The following ARFGEF1 variants were observed in gnomAD, a reference collection of about 807,000 sequenced individuals.
ARFGEF1 encodes the protein ARF guanine nucleotide exchange factor 1, also known as brefeldin A-inhibited guanine nucleotide-exchange protein 1.
Under a neutral mutation model 231.0 loss-of-function variants are expected in ARFGEF1, and 42 were observed. The observed-to-expected ratio is 0.18, with a 90% CI of 0.14 to 0.24. The LOEUF (loss-of-function observed/expected upper bound fraction) is 0.24, where lower values mean the gene tolerates loss of function less well. ARFGEF1 is among the 10% of genes least tolerant of loss of function. ARFGEF1 has a pLI of 1.00. For missense variants in ARFGEF1, 1,345 were observed against 2,192.0 expected, an observed-to-expected ratio of 0.61 and a Z score of 7.72; for synonymous variants, 710 against 732.3, an observed-to-expected ratio of 0.97 and a Z score of 0.49.
At chr8:67,335,940 G>C (rs910456590) in intron 1 of ARFGEF1, among the ~76,000 whole-genome samples, 3 of 151,936 alleles carry the variant, frequency 2.0e-5, no homozygotes, top group Non-Finnish European at 2.9e-5. Context: ...TAGTAGAGAC[G>C]GAGTTTCACT....
rs555045641 is a variant in ARFGEF1, at chr8:67,336,735, A to C, written c.124+6429T>G. ...GCTCTAAGTTGAGGATCTCAACTTC[A>C]CCTTGAGATCTTTCACTACATCCAC... On this transcript the variant is annotated intron_variant, in intron 1 of 38. Coordinates refer to ENST00000262215, the MANE Select transcript of ARFGEF1 (RefSeq NM_006421.5). 2.6e-5 allele frequency among the ~76,000 whole-genome samples: 4 copies of C among 152,344 alleles called. No individual in the cohort carries two copies. The South Asian group carries it at 8.3e-4, about 32-fold the overall frequency.
At chr8:67,328,292 C>T (rs1416185204) in intron 1 of ARFGEF1, among the ~76,000 whole-genome samples, 1 of 152,044 alleles carries the variant, frequency 6.6e-6, no homozygotes, top group African/African-American at 2.4e-5. Flanking sequence ...AACTATTCTT[C>T]TGGAAGCTTA....
chr8:67,269,476 C>T (rs930624123), intron 10 of ARFGEF1, among the ~76,000 whole-genome samples: 3 of 151,598 alleles, frequency 2.0e-5, no homozygotes, highest in Admixed American at 1.3e-4. Context: ...CCTCTGCTCC[C>T]AAGTAGCTGG....
chr8:67,189,597 A>G (rs1052448184), intron 5 of ARFGEF1, among the ~76,000 whole-genome samples: 4 of 152,166 alleles, frequency 2.6e-5, no homozygotes, highest in East Asian at 1.9e-4. Flanking sequence ...TTAAACAATG[A>G]TAGTGTTGTA....
chr8:67,174,482 G>T (rs553057721), downstream of ARFGEF1: 2 of 152,138 alleles, frequency 1.3e-5, no homozygotes, highest in Non-Finnish European at 2.9e-5. Context: ...TTTATTCTTG[G>T]CCAGGCACAG....
At chr8:67,296,369 C>A in intron 5 of ARFGEF1, 62 bp downstream of exon 5, 1 of 1,453,518 alleles carries the variant, frequency 6.9e-7, no homozygotes, top group South Asian at 1.4e-5. Context: ...TTACTGTAAA[C>A]TCCTTTCTAT....
At chr8:67,193,384 A>G (rs1836959378), downstream of ARFGEF1, 1 of 1,306,116 alleles carries the variant, frequency 7.7e-7, no homozygotes, top group Admixed American at 1.8e-5. Context: ...GGTGATAGGC[A>G]CCATGCCTGG....
At chr8:67,189,765 C>T (rs534642817) in intron 5 of ARFGEF1, among the ~76,000 whole-genome samples, 1 of 152,266 alleles carries the variant, frequency 6.6e-6, no homozygotes, top group South Asian at 2.1e-4. Context: ...ACATCATCCC[C>T]CCAAATATAT....
chr8:67,301,490 T>C, intron 2 of ARFGEF1, 110 bp from the exon 3 acceptor site: 2 of 1,134,794 alleles, frequency 1.8e-6, no homozygotes, highest in South Asian at 3.6e-5. Context: ...GCTAAACCAG[T>C]CCTCTATCTT....
intron 5 of ARFGEF1, chr8:67,180,005 C>A: frequency 2.7e-6 from 2 of 742,836 alleles, no homozygotes; most frequent in South Asian, 1.8e-5. Flanking sequence ...GTACTGTATT[C>A]CTTGTTGTAC....
chr8:67,246,975 C>T (rs937895455), intron 19 of ARFGEF1, among the ~76,000 whole-genome samples: 5 of 149,810 alleles, frequency 3.3e-5, no homozygotes, highest in Non-Finnish European at 1.5e-5. Context: ...AACTACATGC[C>T]GGTAAACTGG....
Position 67,190,712 on chromosome 8 carries a change from C to A in ARFGEF1, c.560+9684G>T, listed in dbSNP as rs1835980887. 1 of 1,614,114 alleles carries A rather than the reference C, an allele frequency of 6.2e-7. No homozygotes were observed. Among genetic ancestry groups the A allele is most frequent in the Non-Finnish European group, 8.5e-7 (1 of 1,179,992 alleles). ...CGTCCTCCCTCCACCATCACAGTTG[C>A]CCTCTGCACGGGAGCGCAGGAGGAA... On this transcript the variant is annotated intron_variant, in intron 5 of 5. Coordinates refer to the ARFGEF1 transcript ENST00000518789.
intron 1 of ARFGEF1, among the ~76,000 whole-genome samples, chr8:67,340,261 G>T (rs541571107): frequency 1.3e-5 from 2 of 152,234 alleles, no homozygotes; most frequent in Admixed American, 1.3e-4. Context: ...ATAAATATTT[G>T]GGGAAAGAAT....
chr8:67,236,367 T>A (rs13248392), intron 22 of ARFGEF1, among the ~76,000 whole-genome samples: 1,848 of 20,642 alleles, frequency 0.09, 139 homozygotes, highest in South Asian at 0.1. Context: ...AAAAAAAAAA[T>A]ATATATATAT....
At chr8:67,284,313 C>T (rs557330322) in intron 7 of ARFGEF1, among the ~76,000 whole-genome samples, 7 of 152,072 alleles carry the variant, frequency 4.6e-5, no homozygotes, top group Admixed American at 2.6e-4. Flanking sequence ...CAGACATGTA[C>T]GCACAACCCC....
chr8:67,261,741 A>C lies in ARFGEF1; in HGVS notation c.2124-1815T>G, dbSNP rs1307350338. Among the ~76,000 whole-genome samples, 5 of 152,160 alleles carry C rather than the reference A, an allele frequency of 3.3e-5. No individual in the cohort carries two copies. In the East Asian group the frequency reaches 9.6e-4, roughly 29 times the overall value. On this transcript the variant is annotated intron_variant, in intron 14 of 38. Transcript: ENST00000262215. ...GGTTGATCTCAAACTCCTGGGCTCAAATGATCCTCCCACCTTGGCTTCCCA... is the reference window on the plus strand; with the variant it reads ...GGTTGATCTCAAACTCCTGGGCTCACATGATCCTCCCACCTTGGCTTCCCA...
At chr8:67,318,619 T>G (rs1402755564) in intron 1 of ARFGEF1, among the ~76,000 whole-genome samples, 1 of 152,094 alleles carries the variant, frequency 6.6e-6, no homozygotes, top group African/African-American at 2.4e-5. Context: ...GGCTGCAACA[T>G]GCAAAAATCA....
intron 5 of ARFGEF1, among the ~76,000 whole-genome samples, chr8:67,179,679 T>C (rs1003658699): frequency 6.6e-6 from 1 of 152,190 alleles, no homozygotes; most frequent in African/African-American, 2.4e-5. Context: ...ACCGTCTTCG[T>C]AGGAATTGTG....
intron 19 of ARFGEF1, among the ~76,000 whole-genome samples, chr8:67,241,811 G>A (rs1393744978): frequency 6.6e-6 from 1 of 152,070 alleles, no homozygotes; most frequent in Non-Finnish European, 1.5e-5. Context: ...GGACATTGAA[G>A]GGGTAGGAAA....
Sources: allele counts gnomAD v4.1 joint callset (sites outside exome capture counted in the v4.1 genomes callset), GRCh38; gene constraint gnomAD v4.1.1; transcripts MANE v1.5; gene names NCBI Gene and HGNC (gene_info 2026-07-23, HGNC 2026-07-21).